Variants in U2AF2 observed in about 807,000 individuals in gnomAD.
U2AF2 encodes U2 small nuclear RNA auxiliary factor 2, also known as splicing factor U2AF 65 kDa subunit.
Under a neutral mutation model 52.6 loss-of-function variants are expected in U2AF2, and 6 were observed. The ratio of observed to expected loss-of-function variants is 0.11; its 90% CI spans 0.06 to 0.23. The LOEUF (loss-of-function observed/expected upper bound fraction) is 0.23, where lower values mean the gene tolerates loss of function less well. U2AF2 is among the 10% of genes least tolerant of loss of function. The probability of loss-of-function intolerance (pLI) is 1.00; values close to 1 mark genes in which losing one functional copy is unlikely to be tolerated. For synonymous variants in U2AF2, 284 were observed against 258.2 expected (o/e 1.10, Z -0.96); for missense variants, 222 against 677.1 (o/e 0.33, Z 7.46).
At chr19:55,669,343 A>G in intron 10 of U2AF2, 101 bp from the exon 11 acceptor site, 4 of 1,542,764 alleles carry the variant, frequency 2.6e-6, no homozygotes, top group Non-Finnish European at 3.5e-6. Context: ...AAGTGGAGAG[A>G]TGGCCTTTCC....
At chr19:55,657,321 C>T (rs1983858692) in intron 1 of U2AF2, among the ~76,000 whole-genome samples, 1 of 152,176 alleles carries the variant, frequency 6.6e-6, no homozygotes, top group African/African-American at 2.4e-5. Context: ...AGGGTTCTTG[C>T]CATAGGGGAA....
intron 10 of U2AF2, 36 bp downstream of exon 10, chr19:55,669,217 G>T: frequency 1.2e-6 from 2 of 1,609,484 alleles, no homozygotes; most frequent in East Asian, 2.2e-5. Flanking sequence ...GGACCCTGGG[G>T]GTGGGAGGGG....
intron 1 of U2AF2, 51 bp downstream of exon 1, chr19:55,655,204 C>T (rs780791923): frequency 3.9e-6 from 6 of 1,544,438 alleles, no homozygotes; most frequent in South Asian, 2.3e-5. Context: ...CCTCGCGTCG[C>T]TCTTTGCCCC....
intron 1 of U2AF2, among the ~76,000 whole-genome samples, chr19:55,658,408 G>T (rs919337084): frequency 6.6e-6 from 1 of 151,752 alleles, no homozygotes; most frequent in South Asian, 2.1e-4. Flanking sequence ...GTGAGGCTCC[G>T]TTCCTAGTGG....
chr19:55,659,359 G>A lies in U2AF2; in HGVS notation c.185+14G>A, dbSNP rs1474436596. The A allele has an allele frequency of 6.8e-7, 1 of 1,481,240 alleles. No homozygotes were observed. The highest frequency in any genetic ancestry group is 2.4e-5 in the Admixed American group (1 of 42,400). 91.8% of individuals were successfully genotyped at this position (1,481,240 alleles called of 1,614,324 possible). A position where few individuals can be genotyped will look rare whatever the true frequency, so the allele number is the denominator to read the frequency against. On this transcript the variant is annotated intron_variant, in intron 2 of 11. Coordinates refer to ENST00000308924, the MANE Select transcript of U2AF2 (RefSeq NM_007279.3). ...GCGACGACGCAGGTACTAGGGCTCA[G>A]GGATCCCCTGGGCCAGCCTGGGAGT...
At chr19:55,656,685 A>G (rs1730871942) in intron 1 of U2AF2, among the ~76,000 whole-genome samples, 2 of 152,082 alleles carry the variant, frequency 1.3e-5, no homozygotes, top group African/African-American at 4.8e-5. Context: ...AATGATTTCC[A>G]CCTCTACTGG....
At chr19:55,661,391 C>T (rs1343297023) in intron 5 of U2AF2, 1 of 524,916 alleles carries the variant, frequency 1.9e-6, no homozygotes, top group Non-Finnish European at 3.3e-6. Context: ...TTCCCCTCTC[C>T]CGTCTCCCCT....
Position 55,669,447 on chromosome 19 carries a change from A to G in U2AF2, c.1048A>G (p.Thr350Ala), listed in dbSNP as rs1984743176. The change falls in exon 11 of 12, where the codon ACC becomes GCC. Residue 350 changes from threonine to alanine, a missense_variant. Thr to Ala is a moderately conservative substitution (Grantham distance 58). Around this residue, in one of 4 missense-constraint regions of U2AF2, gnomAD observed 71 missense variants for 180.6 expected, o/e 0.39. Coordinates refer to ENST00000308924, the MANE Select transcript of U2AF2 (RefSeq NM_007279.3). Reference protein sequence around the residue: ...KNATLVSPPSTINQTPVTLQV... With the variant: ...KNATLVSPPSAINQTPVTLQV... Reference sequence around the variant, plus strand: ...GCTGCCTCCCCTGGCCCCACAGAGCACCATCAATCAGACGCCTGTGACCCT... The same window carrying G: ...GCTGCCTCCCCTGGCCCCACAGAGCGCCATCAATCAGACGCCTGTGACCCT... 6.2e-7 allele frequency: 1 copy of G among 1,600,256 alleles called. No homozygotes were observed. Among genetic ancestry groups the G allele is most frequent in the Admixed American group, 1.7e-5 (1 of 59,076 alleles).
intron 1 of U2AF2, among the ~76,000 whole-genome samples, chr19:55,655,431 G>A (rs1290643202): frequency 6.6e-6 from 1 of 152,226 alleles, no homozygotes; most frequent in African/African-American, 2.4e-5. Context: ...CGGGGGACGC[G>A]GCACGAGCGC....
At chr19:55,665,718 G>T (rs925087508) in intron 7 of U2AF2, among the ~76,000 whole-genome samples, 4 of 151,918 alleles carry the variant, frequency 2.6e-5, no homozygotes, top group Non-Finnish European at 5.9e-5. Context: ...GTGTGATCTC[G>T]GCTCACTGCA....
chr19:55,673,067 C>T (rs757751909), intron 11 of U2AF2, among the ~76,000 whole-genome samples: 5 of 152,016 alleles, frequency 3.3e-5, no homozygotes, highest in Admixed American at 1.3e-4. Flanking sequence ...GACAGGCACC[C>T]GCCATCATGT....
At position 55,668,702 on chromosome 19, in the gene U2AF2, C is replaced by T; in HGVS notation, c.855C>T (p.Leu285=). 6.2e-7 allele frequency: 1 copy of T among 1,613,700 alleles called. No homozygotes were observed. Among genetic ancestry groups the T allele is most frequent in the Non-Finnish European group, 8.5e-7 (1 of 1,179,692 alleles). The change falls in exon 9 of 12, where the codon CTC becomes CTT. Residue 285 remains leucine, a synonymous_variant. Transcript: ENST00000308924. This position sits in a 1 kb window ranked among gnomAD's most constrained non-coding sequence, Gnocchi z 5.5. ...AGCTGCTGACATCCTTTGGGCCCCT[C>T]AAGGCCTTCAACCTGGTCAAGGACA... ...VKELLTSFGP[L]KAFNLVKDSA... is the part of the protein sequence containing the mutation.
chr19:55,672,618 C>A (rs1483844559), intron 11 of U2AF2, among the ~76,000 whole-genome samples: 2 of 152,106 alleles, frequency 1.3e-5, no homozygotes, highest in African/African-American at 4.8e-5. Context: ...ACTGCTCTAA[C>A]CAGATAACCT....
At chr19:55,666,169 C>A (rs1459848833) in intron 7 of U2AF2, among the ~76,000 whole-genome samples, 1 of 152,212 alleles carries the variant, frequency 6.6e-6, no homozygotes. Context: ...GGCTGCCGAG[C>A]TCCTCTCAGG....
chr19:55,659,798 A>G (rs1459063000), intron 2 of U2AF2, among the ~76,000 whole-genome samples: 2 of 151,930 alleles, frequency 1.3e-5, no homozygotes, highest in Admixed American at 6.5e-5. Flanking sequence ...CAGTATCCAC[A>G]GCCTGGGCTG....
intron 1 of U2AF2, among the ~76,000 whole-genome samples, chr19:55,656,373 C>T (rs972939756): frequency 1.3e-5 from 2 of 152,214 alleles, no homozygotes; most frequent in Non-Finnish European, 2.9e-5. Context: ...ATAACGTTTA[C>T]TGAGGGTCTG....
chr19:55,669,271 TC>T, intron 10 of U2AF2, 90 bp downstream of exon 10: 7 of 1,562,476 alleles, frequency 4.5e-6, no homozygotes, highest in Non-Finnish European at 6.1e-6. Context: ...CTCCCAGCTT[TC>T]ATGGGAAGGC....
chr19:55,669,848 T>C (rs971646654), intron 11 of U2AF2, among the ~76,000 whole-genome samples, 156 bp downstream of exon 11: 14 of 152,028 alleles, frequency 9.2e-5, no homozygotes, highest in Non-Finnish European at 2.1e-4. Flanking sequence ...TGCGTATAGG[T>C]GTATGCCATC....
intron 1 of U2AF2, 147 bp downstream of exon 1, chr19:55,655,300 G>T (rs1983707408): frequency 7.8e-6 from 7 of 900,246 alleles, no homozygotes; most frequent in Non-Finnish European, 9.7e-6. Flanking sequence ...CCTCGTTCAC[G>T]TGACGTCCCC....
Sources: gnomAD v4.1 joint callset for allele counts (sites outside exome capture counted in the v4.1 genomes callset) on GRCh38, gnomAD v4.1.1 for gene constraint, gnomAD v4.1.1 regional missense constraint, Gnocchi (gnomAD v3.1) non-coding constraint, MANE v1.5 for transcripts, NCBI Gene and HGNC (gene_info 2026-07-23, HGNC 2026-07-21) for gene names.